DNAAF9: variants seen among roughly 807,000 people sequenced by gnomAD.
DNAAF9 encodes dynein axonemal assembly factor 9.
DNAAF9 carries 90 observed loss-of-function variants against 167.0 expected under a neutral mutation model. That is an observed-to-expected ratio of 0.54 (90% CI 0.45 to 0.64). The LOEUF is 0.64. DNAAF9 is among the 30% of genes least tolerant of loss of function. The probability of loss-of-function intolerance (pLI) is 0.00; values close to 1 mark genes in which losing one functional copy is unlikely to be tolerated. For missense variants in DNAAF9, 1,315 were observed against 1,442.2 expected (o/e 0.91, Z 1.43); for synonymous variants, 491 against 508.8 (o/e 0.96, Z 0.47).
chr20:3,336,256 TTG>T lies in DNAAF9; in HGVS notation c.982-3897_982-3896del, dbSNP rs1445476768. Among the ~76,000 whole-genome samples the T allele has an allele frequency of 7.6e-4, 90 of 118,706 alleles. 1 individual carries two copies. Among genetic ancestry groups the T allele is most frequent in the East Asian group, 4.5e-4 (2 of 4,420 alleles). 77.9% of individuals were successfully genotyped at this position (118,706 alleles called of 152,430 possible). On this transcript the variant is annotated intron_variant, in intron 10 of 36. Coordinates refer to ENST00000252032, the MANE Select transcript of DNAAF9 (RefSeq NM_001009984.3). ...TTTGCAGATTCACAGTTTTGCGTTT[TTG>T]TTTTTTTTTTTTTTTTTGCCAAATT...
At chr20:3,392,227 C>T (rs1008993758) in intron 1 of DNAAF9, among the ~76,000 whole-genome samples, 2 of 152,126 alleles carry the variant, frequency 1.3e-5, no homozygotes, top group African/African-American at 4.8e-5. Flanking sequence ...TGACACTGCC[C>T]TCTAACCCCC....
chr20:3,390,235 G>C (rs1457634749), intron 1 of DNAAF9, among the ~76,000 whole-genome samples: 1 of 152,114 alleles, frequency 6.6e-6, no homozygotes, highest in African/African-American at 2.4e-5. Flanking sequence ...AATGTCTGCA[G>C]CTTACTTCAA....
At chr20:3,324,570 C>T (rs375795856) in intron 14 of DNAAF9, among the ~76,000 whole-genome samples, 3 of 152,200 alleles carry the variant, frequency 2.0e-5, no homozygotes, top group African/African-American at 7.2e-5. Context: ...CCCTCTGCCC[C>T]TAGAAACCTC....
chr20:3,319,262 C>CAAAAAAAAAAAA (rs57727958), intron 16 of DNAAF9, among the ~76,000 whole-genome samples: 23 of 41,564 alleles, frequency 5.5e-4, no homozygotes, highest in South Asian at 1.4e-3. Flanking sequence ...GACCCCGTCT[C>CAAAAAAAAAAAA]AAAAAAAAAA....
intron 1 of DNAAF9, among the ~76,000 whole-genome samples, chr20:3,394,466 C>T (rs1325368759): frequency 6.6e-6 from 1 of 151,962 alleles, no homozygotes; most frequent in Admixed American, 6.6e-5. Flanking sequence ...ATCTGTGTAT[C>T]TTCACCTTTA....
intron 3 of DNAAF9, among the ~76,000 whole-genome samples, chr20:3,377,513 G>C (rs1395780764): frequency 1.3e-5 from 2 of 151,364 alleles, no homozygotes; most frequent in Non-Finnish European, 2.9e-5. Context: ...CCAGGCTGGA[G>C]TGCAGTGGCA....
chr20:3,396,261 T>C (rs2083905517), intron 1 of DNAAF9, among the ~76,000 whole-genome samples: 1 of 152,260 alleles, frequency 6.6e-6, no homozygotes. Context: ...TCTAATTAGT[T>C]CTAACAGTTT....
intron 1 of DNAAF9, among the ~76,000 whole-genome samples, chr20:3,395,700 A>G (rs2083897938): frequency 6.6e-6 from 1 of 152,204 alleles, no homozygotes; most frequent in African/African-American, 2.4e-5. Flanking sequence ...CCTACTCAGG[A>G]ACATGATTAT....
Position 3,315,182 on chromosome 20 carries a change from T to G in DNAAF9, c.1591-62A>C. 1 of 1,020,516 alleles carries G rather than the reference T, an allele frequency of 9.8e-7. No homozygotes were observed. The highest frequency in any genetic ancestry group is 1.6e-6 in the Non-Finnish European group (1 of 642,730). 63.2% of individuals were successfully genotyped at this position (1,020,516 alleles called of 1,614,324 possible). On this transcript the variant is annotated intron_variant, in intron 19 of 36. Transcript: ENST00000252032. This position sits in a 1 kb window ranked among gnomAD's most constrained non-coding sequence, Gnocchi z 4.1. ...GAATAGGTGATTTATAGCATAAATATTCACAGAATCAAAAGTCCTGCCCAA... is the reference window on the plus strand; with the variant it reads ...GAATAGGTGATTTATAGCATAAATAGTCACAGAATCAAAAGTCCTGCCCAA...
At chr20:3,295,479 T>A (rs2122942021) in intron 23 of DNAAF9, 1 of 56,196 alleles carries the variant, frequency 1.8e-5, no homozygotes, top group East Asian at 4.0e-4. Context: ...GCGCCTGACC[T>A]TTTTTTTTTT....
intron 6 of DNAAF9, among the ~76,000 whole-genome samples, chr20:3,366,878 T>TCA (rs930506864): frequency 6.7e-6 from 1 of 150,132 alleles, no homozygotes; most frequent in African/African-American, 2.5e-5. Context: ...TGAGCCGTGA[T>TCA]CACACCACTG....
chr20:3,276,988 C>T (rs879328504), intron 29 of DNAAF9, among the ~76,000 whole-genome samples: 3 of 152,204 alleles, frequency 2.0e-5, no homozygotes, highest in Admixed American at 2.0e-4. Context: ...CTCTATCAAA[C>T]CTAGTATCTC....
intron 1 of DNAAF9, among the ~76,000 whole-genome samples, chr20:3,386,295 T>A (rs1353590203): frequency 6.6e-6 from 1 of 152,140 alleles, no homozygotes; most frequent in Non-Finnish European, 1.5e-5. Context: ...CATAAGTCAA[T>A]GGAACAGATA....
In DNAAF9 at chr20:3,257,425, T is replaced by A. The variant is rs143162498; in HGVS notation, c.3056-1214A>T. Among the ~76,000 whole-genome samples, 1,136 of 152,102 alleles carry A rather than the reference T, an allele frequency of 7.5e-3. 52 individuals carry two copies. The highest frequency in any genetic ancestry group is 0.069 in the Admixed American group (1,050 of 15,292). ...TACTTGGGAGGCTGAGGTAGGATGATCGCTTGAGCCTGGGAGGTCAAGGAT... is the reference window on the plus strand; with the variant it reads ...TACTTGGGAGGCTGAGGTAGGATGAACGCTTGAGCCTGGGAGGTCAAGGAT... On this transcript the variant is annotated intron_variant, in intron 33 of 36. Coordinates refer to ENST00000252032, the MANE Select transcript of DNAAF9 (RefSeq NM_001009984.3).
Position 3,332,306 on chromosome 20 carries a change from A to C in DNAAF9, c.1037T>G (p.Phe346Cys). 2 of 1,604,522 alleles carry C rather than the reference A, an allele frequency of 1.2e-6. No individual in the cohort carries two copies. The highest frequency in any genetic ancestry group is 1.7e-6 in the Non-Finnish European group (2 of 1,171,396). ...GPLACSRTYF[F>C]GATHVPYLGG... is the part of the protein sequence containing the mutation. ...CAAGTAAGGAACATGAGTAGCTCCAAAAAAGTATGTTCTCGAACAAGCAAG... is the reference window on the plus strand; with the variant it reads ...CAAGTAAGGAACATGAGTAGCTCCACAAAAGTATGTTCTCGAACAAGCAAG... Residue 346 changes from phenylalanine to cysteine, a missense_variant, in exon 11 of 37, where the codon TTT becomes TGT. Physicochemically the swap from Phe to Cys is radical, Grantham distance 205 (BLOSUM62 -2). This residue lies in a region of DNAAF9 where 981 missense variants were observed against 1,012.5 expected (regional missense o/e 0.97). Transcript: ENST00000252032.
chr20:3,340,454 C>T, intron 10 of DNAAF9, 50 bp downstream of exon 10: 1 of 1,053,078 alleles, frequency 9.5e-7, no homozygotes, highest in African/African-American at 1.6e-5. Flanking sequence ...ACCCCACCCC[C>T]ACAACTTGAT....
At position 3,250,274 on chromosome 20, in the gene DNAAF9, A is replaced by G. The variant is rs1448040755; in HGVS notation, c.*2298T>C. 1.3e-5 allele frequency: 2 copies of G among 152,228 alleles called. No individual in the cohort carries two copies. Among genetic ancestry groups the G allele is most frequent in the East Asian group, 3.9e-4 (2 of 5,182 alleles). The allele number at this position is 152,228 out of a possible 1,614,324, so 9.4% of individuals were successfully genotyped here. On this transcript the variant is annotated 3_prime_UTR_variant, in exon 37 of 37. Coordinates refer to ENST00000252032, the MANE Select transcript of DNAAF9 (RefSeq NM_001009984.3). ...GAATCAAGTGGATACTGACCTTCAC[A>G]GAACAGAGAGGCCTGGCAGGTTCCA...
chr20:3,398,494 T>C (rs2083940754), intron 1 of DNAAF9, among the ~76,000 whole-genome samples: 1 of 144,902 alleles, frequency 6.9e-6, no homozygotes, highest in Admixed American at 6.9e-5. Context: ...GTCTACAAGT[T>C]ATTTTGAAAA....
chr20:3,396,779 G>A (rs141055887), intron 1 of DNAAF9, among the ~76,000 whole-genome samples: 1,945 of 152,274 alleles, frequency 0.013, 41 homozygotes, highest in African/African-American at 0.044. Flanking sequence ...AAAAAACTAT[G>A]TGTGTAGGGG....
Sources: gnomAD v4.1 joint callset for allele counts (sites outside exome capture counted in the v4.1 genomes callset) on GRCh38, gnomAD v4.1.1 for gene constraint, gnomAD v4.1.1 regional missense constraint, Gnocchi (gnomAD v3.1) non-coding constraint, MANE v1.5 for transcripts, NCBI Gene and HGNC (gene_info 2026-07-23, HGNC 2026-07-21) for gene names.